The following RBFOX1 variants were observed in gnomAD, a reference collection of about 807,000 sequenced individuals.
The protein encoded by RBFOX1 is RNA binding protein fox-1 homolog 1.
In RBFOX1, 8 loss-of-function variants were observed where a neutral mutation model predicts 57.7. The ratio of observed to expected loss-of-function variants is 0.14; its 90% confidence interval spans 0.08 to 0.25. The LOEUF is 0.25. RBFOX1 is among the 10% of genes least tolerant of loss of function. The probability of loss-of-function intolerance (pLI) is 1.00; values close to 1 mark genes in which losing one functional copy is unlikely to be tolerated. For missense variants in RBFOX1, 611 were observed against 548.5 expected (o/e 1.11, Z -1.14); for synonymous variants, 326 against 222.4 (o/e 1.47, Z -4.15).
chr16:7,001,752 G>A lies in RBFOX1; in HGVS notation c.-15-50305G>A, dbSNP rs148182853. Among the ~76,000 whole-genome samples, 8 of 151,956 alleles carry A rather than the reference G, an allele frequency of 5.3e-5. No homozygotes were observed. In the East Asian group the frequency reaches 1.6e-3, roughly 29 times the overall value. On this transcript the variant is annotated intron_variant, in intron 3 of 15. Transcript: ENST00000550418. ...GATCACAGGGATGCGTCAACACACT[G>A]GCCTCTATTATTTGTTTTTAGAAGC...
At chr16:6,981,566 C>G (rs950967819) in intron 3 of RBFOX1, among the ~76,000 whole-genome samples, 1 of 152,118 alleles carries the variant, frequency 6.6e-6, no homozygotes, top group South Asian at 2.1e-4. Context: ...ATTAAATTGA[C>G]TGACAGTTCC....
intron 4 of RBFOX1, among the ~76,000 whole-genome samples, chr16:7,264,118 C>G (rs1002351913): frequency 1.3e-5 from 2 of 152,124 alleles, no homozygotes; most frequent in African/African-American, 2.4e-5. Flanking sequence ...AATGACTACC[C>G]TCTTTGTAGC....
intron 4 of RBFOX1, chr16:7,126,342 C>T (rs946816710): frequency 1.1e-5 from 3 of 271,244 alleles, no homozygotes; most frequent in East Asian, 1.0e-4. Context: ...AGGTCTAAAT[C>T]GAGGTGGGGG....
intron 3 of RBFOX1, among the ~76,000 whole-genome samples, chr16:5,822,693 T>C (rs1264192392): frequency 6.6e-6 from 1 of 152,208 alleles, no homozygotes; most frequent in East Asian, 1.9e-4. Flanking sequence ...TTATGTCTTC[T>C]TGGGTTTCCA....
At chr16:7,035,979 C>T (rs147012724) in intron 3 of RBFOX1, among the ~76,000 whole-genome samples, 1 of 152,230 alleles carries the variant, frequency 6.6e-6, no homozygotes, top group African/African-American at 2.4e-5. Flanking sequence ...AATGAATACT[C>T]CTCAAGTTTC....
intron 1 of RBFOX1, among the ~76,000 whole-genome samples, chr16:6,079,996 A>T (rs947375694): frequency 2.0e-5 from 3 of 152,248 alleles, no homozygotes; most frequent in Non-Finnish European, 4.4e-5. Flanking sequence ...TGAGGCTTAC[A>T]ACCATGTAAC....
chr16:6,748,168 T>C (rs1275407162), intron 3 of RBFOX1, among the ~76,000 whole-genome samples: 7 of 152,120 alleles, frequency 4.6e-5, no homozygotes, highest in Non-Finnish European at 1.0e-4. Context: ...AGCATCTCGT[T>C]AGGCAATAAA....
intron 2 of RBFOX1, among the ~76,000 whole-genome samples, chr16:6,391,142 T>C (rs2092580623): frequency 6.6e-6 from 1 of 152,134 alleles, no homozygotes; most frequent in African/African-American, 2.4e-5. Flanking sequence ...ACCACTGAAA[T>C]TGGCCTTGCC....
chr16:6,901,760 A>T (rs753831729), intron 3 of RBFOX1, among the ~76,000 whole-genome samples: 1 of 152,206 alleles, frequency 6.6e-6, no homozygotes, highest in Non-Finnish European at 1.5e-5. Flanking sequence ...CCCAGTAGAG[A>T]TTAACACTCA....
chr16:7,520,603 C>T (rs2077323050), intron 5 of RBFOX1, among the ~76,000 whole-genome samples: 1 of 152,154 alleles, frequency 6.6e-6, no homozygotes, highest in African/African-American at 2.4e-5. Flanking sequence ...GGGTTGTCTC[C>T]ACATTCTGGT....
At chr16:6,181,251 C>G (rs527588884) in intron 1 of RBFOX1, among the ~76,000 whole-genome samples, 2 of 152,296 alleles carry the variant, frequency 1.3e-5, no homozygotes, top group African/African-American at 2.4e-5. Context: ...TCCTTTTGGA[C>G]CATGGCAACT....
rs570227839 is a variant in RBFOX1, at chr16:6,950,028, C to T, written c.-15-102029C>T. Among the ~76,000 whole-genome samples the T allele has an allele frequency of 4.8e-4, 72 of 151,368 alleles. 1 individual carries two copies. Among genetic ancestry groups the T allele is most frequent in the African/African-American group, 1.6e-3 (66 of 41,158 alleles). On this transcript the variant is annotated intron_variant, in intron 3 of 15. Transcript: ENST00000550418. The stretch of plus-strand genomic sequence containing the variant: ...GTGGTGTGTTCTCGGCTCGCTGCAA[C>T]GTCTGCCTCCTGGGTTCAAGTGATT...
intron 2 of RBFOX1, among the ~76,000 whole-genome samples, chr16:6,492,774 G>C (rs1026830035): frequency 2.8e-4 from 43 of 152,124 alleles, no homozygotes; most frequent in Non-Finnish European, 7.3e-5. Flanking sequence ...GGAATGAAGT[G>C]GATTTGCCTG....
At chr16:5,928,900 T>C (rs539557997) in intron 4 of RBFOX1, among the ~76,000 whole-genome samples, 19 of 152,032 alleles carry the variant, frequency 1.2e-4, no homozygotes, top group East Asian at 9.7e-4. Flanking sequence ...CATGTTCAAA[T>C]AAGCTTTTGT....
intron 4 of RBFOX1, among the ~76,000 whole-genome samples, chr16:7,356,737 T>C (rs760956106): frequency 1.3e-5 from 2 of 152,236 alleles, no homozygotes; most frequent in African/African-American, 2.4e-5. Context: ...TAAAGAAGTG[T>C]TAACAGTTTT....
chr16:5,790,564 G>A (rs894448613), intron 3 of RBFOX1, among the ~76,000 whole-genome samples: 1 of 151,364 alleles, frequency 6.6e-6, no homozygotes, highest in Non-Finnish European at 1.5e-5. Context: ...TGGTAAAATG[G>A]AATAGGGACC....
chr16:6,474,015 A>G (rs1275888352), intron 2 of RBFOX1, among the ~76,000 whole-genome samples: 3 of 152,184 alleles, frequency 2.0e-5, no homozygotes, highest in Admixed American at 6.5e-5. Context: ...ACTTGTGGAT[A>G]GCAGGCTGGC....
At chr16:7,030,933 G>T (rs566466199) in intron 3 of RBFOX1, among the ~76,000 whole-genome samples, 2 of 152,324 alleles carry the variant, frequency 1.3e-5, no homozygotes, top group East Asian at 3.9e-4. Flanking sequence ...GGGAATGTGG[G>T]TATTTATCTT....
chr16:6,780,227 A>ATATATG (rs2080563150), intron 3 of RBFOX1, among the ~76,000 whole-genome samples: 3 of 67,680 alleles, frequency 4.4e-5, no homozygotes, highest in African/African-American at 2.1e-4. Flanking sequence ...ATTTATATAT[A>ATATATG]TATTTATATA....
Sources: gnomAD v4.1 joint callset for allele counts (sites outside exome capture counted in the v4.1 genomes callset) on GRCh38, gnomAD v4.1.1 for gene constraint, MANE v1.5 for transcripts, NCBI Gene and HGNC (gene_info 2026-07-23, HGNC 2026-07-21) for gene names.